RGS6: variants seen among roughly 807,000 people sequenced by gnomAD.
RGS6 encodes regulator of G-protein signaling 6.
RGS6 carries 30 observed loss-of-function variants against 78.5 expected under a neutral mutation model. That is an observed-to-expected ratio of 0.38 (90% CI 0.29 to 0.52). RGS6 has a LOEUF of 0.52. RGS6 is among the 20% of genes least tolerant of loss of function. The pLI, the probability that RGS6 is intolerant of heterozygous loss-of-function variation, is 0.85. For synonymous variants in RGS6, 206 were observed against 206.0 expected, an observed-to-expected ratio of 1.00 and a Z score of 0.00; for missense variants, 495 against 609.7, an observed-to-expected ratio of 0.81 and a Z score of 1.98.
At chr14:72,360,174 T>C (rs1022208795) in intron 3 of RGS6, among the ~76,000 whole-genome samples, 5 of 152,122 alleles carry the variant, frequency 3.3e-5, no homozygotes, top group African/African-American at 1.2e-4. Context: ...GAATTTAACA[T>C]GCATATTGGT....
intron 3 of RGS6, among the ~76,000 whole-genome samples, chr14:72,438,952 G>A (rs2095065052): frequency 6.6e-6 from 1 of 152,228 alleles, no homozygotes; most frequent in South Asian, 2.1e-4. Context: ...GACAGATCAA[G>A]CTTGCTTCCT....
chr14:72,611,095 G>A, the RGS6 span, among the ~76,000 whole-genome samples: 1 of 152,160 alleles, frequency 6.6e-6, no homozygotes, highest in Non-Finnish European at 1.5e-5. Context: ...CAGGGCCCCA[G>A]AGGAGCCTTC....
intron 2 of RGS6, among the ~76,000 whole-genome samples, chr14:72,150,615 A>C (rs1211005013): frequency 2.6e-5 from 4 of 152,014 alleles, no homozygotes; most frequent in Non-Finnish European, 5.9e-5. Flanking sequence ...GTTAAGGGGA[A>C]GCAGGCACGT....
At chr14:72,373,360 A>G (rs1256298910) in intron 3 of RGS6, among the ~76,000 whole-genome samples, 1 of 152,186 alleles carries the variant, frequency 6.6e-6, no homozygotes, top group Non-Finnish European at 1.5e-5. Context: ...ACAGCCAAAT[A>G]TTGTTCTGGT....
At chr14:72,464,327 G>A (rs1467649163) in intron 6 of RGS6, among the ~76,000 whole-genome samples, 1 of 152,126 alleles carries the variant, frequency 6.6e-6, no homozygotes, top group Non-Finnish European at 1.5e-5. Flanking sequence ...GTGATATTTA[G>A]TGAACTTGTG....
At chr14:72,494,715 A>G (rs545639507) in intron 12 of RGS6, among the ~76,000 whole-genome samples, 1 of 151,642 alleles carries the variant, frequency 6.6e-6, no homozygotes, top group East Asian at 1.9e-4. Context: ...TCTTTATCAT[A>G]AGAAAGTCCT....
chr14:72,319,345 G>A (rs1488391121), intron 2 of RGS6, among the ~76,000 whole-genome samples: 2 of 147,126 alleles, frequency 1.4e-5, no homozygotes, highest in Non-Finnish European at 2.9e-5. Flanking sequence ...GAACTGAAGG[G>A]GGAAATTTTT....
At chr14:72,581,402 A>G in the RGS6 span, among the ~76,000 whole-genome samples, 1 of 152,146 alleles carries the variant, frequency 6.6e-6, no homozygotes, top group South Asian at 2.1e-4. Flanking sequence ...CTGCCACTCA[A>G]GTTGATTCCA....
intron 3 of RGS6, among the ~76,000 whole-genome samples, chr14:72,394,398 G>A (rs536980831): frequency 5.9e-5 from 9 of 152,086 alleles, no homozygotes; most frequent in African/African-American, 2.2e-4. Flanking sequence ...ACAGGCCCGG[G>A]GCGAAATTAA....
intron 2 of RGS6, among the ~76,000 whole-genome samples, chr14:72,288,109 A>G (rs1414600313): frequency 6.6e-6 from 1 of 152,176 alleles, no homozygotes; most frequent in Non-Finnish European, 1.5e-5. Context: ...GCCTTATAAA[A>G]TGAGTTTGGA....
chr14:72,231,902 A>G (rs909071165), intron 2 of RGS6, among the ~76,000 whole-genome samples: 3 of 152,150 alleles, frequency 2.0e-5, no homozygotes, highest in Non-Finnish European at 4.4e-5. Context: ...GTGGTGGGTC[A>G]TTATAAGTTC....
At chr14:72,489,873 C>A (rs756243554) in intron 12 of RGS6, among the ~76,000 whole-genome samples, 14 of 152,224 alleles carry the variant, frequency 9.2e-5, no homozygotes, top group Non-Finnish European at 1.8e-4. Flanking sequence ...CATTTGTGGT[C>A]ATTTGTTATT....
intron 3 of RGS6, among the ~76,000 whole-genome samples, chr14:72,397,199 T>C (rs887398516): frequency 5.9e-5 from 9 of 152,236 alleles, no homozygotes; most frequent in Non-Finnish European, 1.2e-4. Flanking sequence ...GGAATGTTCT[T>C]CCATTTGTAT....
intron 3 of RGS6, among the ~76,000 whole-genome samples, chr14:72,397,576 CCAACA>C (rs1162252890): frequency 6.6e-6 from 1 of 152,056 alleles, no homozygotes; most frequent in Non-Finnish European, 1.5e-5. Flanking sequence ...GCCAGAACTT[CCAACA>C]CTATGTTGAA....
At chr14:71,942,796 A>T (rs2090840924) in intron 1 of RGS6, among the ~76,000 whole-genome samples, 1 of 152,220 alleles carries the variant, frequency 6.6e-6, no homozygotes, top group Admixed American at 6.5e-5. Flanking sequence ...GGGTGGTACC[A>T]AGAACCACCA....
intron 3 of RGS6, among the ~76,000 whole-genome samples, chr14:72,353,321 A>C (rs996326021): frequency 6.6e-6 from 1 of 152,236 alleles, no homozygotes; most frequent in African/African-American, 2.4e-5. Context: ...GACTGGAAAC[A>C]ACCCAAATGT....
intron 3 of RGS6, among the ~76,000 whole-genome samples, chr14:72,420,113 G>T (rs1175370911): frequency 6.6e-6 from 1 of 152,226 alleles, no homozygotes; most frequent in Non-Finnish European, 1.5e-5. Flanking sequence ...GACTCACTCA[G>T]TGTACCAAGT....
intron 2 of RGS6, among the ~76,000 whole-genome samples, chr14:71,998,240 C>G (rs879590388): frequency 2.0e-5 from 3 of 152,126 alleles, no homozygotes; most frequent in Non-Finnish European, 4.4e-5. Context: ...TTAGCCTTTC[C>G]AAAAGAGGCA....
rs553003863 is a variant in RGS6 at position 71,936,080 on chromosome 14, GC to G, written c.-21+3140del. Among the ~76,000 whole-genome samples, 160 of 115,848 alleles carry G rather than the reference GC, an allele frequency of 1.4e-3. 4 individuals carry two copies. The South Asian group carries it at 0.03, about 22-fold the overall frequency. 76.0% of individuals were successfully genotyped at this position (115,848 alleles called of 152,430 possible). On this transcript the variant is annotated intron_variant, in intron 1 of 17. Transcript: ENST00000553525. ...ATATATACATATATGCTATATATAT[GC>G]TATACATGATATATATACATATGAT...
Sources: gnomAD v4.1 joint callset for allele counts (sites outside exome capture counted in the v4.1 genomes callset) on GRCh38, gnomAD v4.1.1 for gene constraint, MANE v1.5 for transcripts, NCBI Gene and HGNC (gene_info 2026-07-23, HGNC 2026-07-21) for gene names.